Variants in SLC44A5 observed in about 807,000 individuals in gnomAD.
SLC44A5 encodes the protein choline transporter-like protein 5.
In SLC44A5, 57 loss-of-function variants were observed where a neutral mutation model predicts 101.8. The ratio of observed to expected loss-of-function variants is 0.56; its 90% confidence interval spans 0.45 to 0.70. The LOEUF (loss-of-function observed/expected upper bound fraction) is 0.70. SLC44A5 is among the 30% of genes least tolerant of loss of function. The probability of loss-of-function intolerance (pLI) is 0.00; values close to 1 mark genes in which losing one functional copy is unlikely to be tolerated. For synonymous variants in SLC44A5, 281 were observed against 290.9 expected, an observed-to-expected ratio of 0.97 and a Z score of 0.35; for missense variants, 737 against 853.1, an observed-to-expected ratio of 0.86 and a Z score of 1.70.
At chr1:75,661,405 A>AAAC in the SLC44A5 span, among the ~76,000 whole-genome samples, 1 of 149,386 alleles carries the variant, frequency 6.7e-6, no homozygotes, top group East Asian at 1.9e-4. Flanking sequence ...AAAAAAAAAA[A>AAAC]AAAAAAAAAA....
At chr1:75,533,592 C>A (rs1670837543) in intron 2 of SLC44A5, among the ~76,000 whole-genome samples, 1 of 152,086 alleles carries the variant, frequency 6.6e-6, no homozygotes, top group Non-Finnish European at 1.5e-5. Context: ...GCCACTGCAC[C>A]CTTGTGTCCA....
intron 4 of SLC44A5, among the ~76,000 whole-genome samples, chr1:75,321,844 T>C (rs768687129): frequency 2.0e-5 from 3 of 152,224 alleles, no homozygotes; most frequent in Non-Finnish European, 2.9e-5. Flanking sequence ...TTGTCATTAC[T>C]AGGTTTCTTA....
At chr1:75,536,746 C>T (rs1336002333) in intron 2 of SLC44A5, among the ~76,000 whole-genome samples, 1 of 148,676 alleles carries the variant, frequency 6.7e-6, no homozygotes, top group African/African-American at 2.4e-5. Flanking sequence ...GTGGCTCACG[C>T]CTGTAATCCC....
chr1:75,691,238 A>G, the SLC44A5 span, among the ~76,000 whole-genome samples: 3 of 152,208 alleles, frequency 2.0e-5, no homozygotes, highest in Admixed American at 2.0e-4. Flanking sequence ...GGAAAACTCA[A>G]AATTTAGTTT....
chr1:75,604,267 A>T (rs1411297971), intron 1 of SLC44A5, among the ~76,000 whole-genome samples: 2 of 151,850 alleles, frequency 1.3e-5, no homozygotes, highest in Non-Finnish European at 2.9e-5. Context: ...TATTGAGTAG[A>T]GAGTCCTTTC....
At chr1:75,667,134 T>C in the SLC44A5 span, among the ~76,000 whole-genome samples, 2 of 152,110 alleles carry the variant, frequency 1.3e-5, no homozygotes, top group African/African-American at 4.8e-5. Flanking sequence ...AGAGAGGAAG[T>C]CAAATTGTCT....
the SLC44A5 span, among the ~76,000 whole-genome samples, chr1:75,635,260 G>T: frequency 1.3e-4 from 19 of 150,394 alleles, no homozygotes; most frequent in African/African-American, 2.7e-4. Context: ...GCGATTCCTC[G>T]GGGATCTAGA....
chr1:75,230,274 GTC>G (rs1647428607), intron 12 of SLC44A5, among the ~76,000 whole-genome samples: 1 of 150,112 alleles, frequency 6.7e-6, no homozygotes, highest in Admixed American at 6.6e-5. Flanking sequence ...TTGAGACAGA[GTC>G]TCGCTCTGTC....
intron 2 of SLC44A5, chr1:75,402,607 C>T (rs540196846): frequency 1.9e-5 from 3 of 159,732 alleles, no homozygotes; most frequent in Non-Finnish European, 4.2e-5. Flanking sequence ...CCTCCCCTAG[C>T]TGAGAGAAGC....
chr1:75,213,676 C>A, intron 22 of SLC44A5, 29 bp downstream of exon 22: 1 of 1,427,218 alleles, frequency 7.0e-7, no homozygotes, highest in East Asian at 2.3e-5. Flanking sequence ...ATTATAGCAG[C>A]CTGTACTGAC....
chr1:75,399,735 T>G (rs76243548), intron 2 of SLC44A5, among the ~76,000 whole-genome samples: 2,244 of 152,288 alleles, frequency 0.015, 55 homozygotes, highest in African/African-American at 0.051. Flanking sequence ...GAAGGAAATA[T>G]AAGAACGGTT....
At chr1:75,501,224 A>C (rs571063153) in intron 2 of SLC44A5, among the ~76,000 whole-genome samples, 168 of 152,296 alleles carry the variant, frequency 1.1e-3, no homozygotes, top group Non-Finnish European at 1.9e-3. Context: ...GTACAGATTA[A>C]TAGGGTCAGG....
intron 6 of SLC44A5, among the ~76,000 whole-genome samples, chr1:75,253,133 C>T (rs996489536): frequency 2.0e-5 from 3 of 152,098 alleles, no homozygotes; most frequent in Admixed American, 1.3e-4. Flanking sequence ...TAAGAAGGGG[C>T]AGTAGCTAGG....
At chr1:75,683,614 C>G in the SLC44A5 span, among the ~76,000 whole-genome samples, 44,572 of 151,620 alleles carry the variant, frequency 0.29, 6,758 homozygotes, top group Non-Finnish European at 0.33. Flanking sequence ...TGTGAGGTGG[C>G]GGAAGGGGGG....
the SLC44A5 span, chr1:75,677,732 A>C: frequency 2.3e-6 from 1 of 441,952 alleles, no homozygotes. Flanking sequence ...TCTGTTACCT[A>C]TAAAAAACAC....
intron 2 of SLC44A5, among the ~76,000 whole-genome samples, chr1:75,433,531 G>T (rs1317532356): frequency 6.6e-6 from 1 of 151,838 alleles, no homozygotes; most frequent in Admixed American, 6.6e-5. Context: ...CCTCCTTTTT[G>T]CTCTACACTA....
intron 2 of SLC44A5, among the ~76,000 whole-genome samples, chr1:75,515,892 T>C (rs1004625488): frequency 8.6e-5 from 13 of 152,026 alleles, no homozygotes; most frequent in African/African-American, 2.9e-4. Flanking sequence ...TTTTTTTTTT[T>C]CCCCATCCTT....
At chr1:75,589,539 C>A (rs1227000463) in intron 1 of SLC44A5, among the ~76,000 whole-genome samples, 2 of 151,756 alleles carry the variant, frequency 1.3e-5, no homozygotes, top group African/African-American at 4.8e-5. Flanking sequence ...GTCCTGCCAG[C>A]AAGAATATCC....
At chr1:75,366,047 T>C (rs1659834932) in intron 3 of SLC44A5, among the ~76,000 whole-genome samples, 1 of 152,236 alleles carries the variant, frequency 6.6e-6, no homozygotes, top group Admixed American at 6.5e-5. Context: ...TTAGTCTTTT[T>C]TCTTTTATAC....
Sources: allele counts gnomAD v4.1 joint callset (sites outside exome capture counted in the v4.1 genomes callset), GRCh38; gene constraint gnomAD v4.1.1; transcripts MANE v1.5; gene names NCBI Gene and HGNC (gene_info 2026-07-23, HGNC 2026-07-21).